Variants in RNF19A observed in about 807,000 individuals in gnomAD.
RNF19A encodes E3 ubiquitin-protein ligase RNF19A.
A neutral mutation model predicts 75.7 loss-of-function variants in RNF19A; 32 were observed. That is an observed-to-expected ratio of 0.42 (90% CI 0.32 to 0.57). The LOEUF is 0.57. Ranked by LOEUF, RNF19A falls within the 20% of genes least tolerant of loss-of-function variation. RNF19A has a pLI of 0.10. For synonymous variants in RNF19A, 335 were observed against 345.2 expected, an observed-to-expected ratio of 0.97 and a Z score of 0.33; for missense variants, 782 against 1,036.3, an observed-to-expected ratio of 0.75 and a Z score of 3.37.
At chr8:100,293,325 A>G (rs1454385295) in intron 1 of RNF19A, among the ~76,000 whole-genome samples, 2 of 152,092 alleles carry the variant, frequency 1.3e-5, no homozygotes, top group Non-Finnish European at 2.9e-5. Flanking sequence ...TTATCTGGGG[A>G]AAAAAAATGT....
chr8:100,312,120 C>T (rs1822309324), upstream of RNF19A, among the ~76,000 whole-genome samples: 1 of 152,206 alleles, frequency 6.6e-6, no homozygotes, highest in Admixed American at 6.5e-5. Context: ...TTTGTCCCTT[C>T]CAATTCATAA....
intron 1 of RNF19A, among the ~76,000 whole-genome samples, chr8:100,290,896 T>C (rs1052069353): frequency 1.3e-5 from 2 of 152,158 alleles, no homozygotes; most frequent in African/African-American, 2.4e-5. Context: ...AACACAGATG[T>C]TTCATTTCTT....
At chr8:100,320,997 C>T (rs944528599) in intron 1 of RNF19A, among the ~76,000 whole-genome samples, 1 of 152,210 alleles carries the variant, frequency 6.6e-6, no homozygotes, top group African/African-American at 2.4e-5. Flanking sequence ...GAGCCTTCAG[C>T]AAGTCAAAGA....
intron 2 of RNF19A, among the ~76,000 whole-genome samples, chr8:100,278,386 T>C (rs1820623863): frequency 6.6e-6 from 1 of 152,228 alleles, no homozygotes. Flanking sequence ...ATTTTAGACA[T>C]AACAATAGAA....
Position 100,307,184 on chromosome 8 carries a change from A to G in RNF19A, c.-94+2683T>C, listed in dbSNP as rs965217026. Among the ~76,000 whole-genome samples the G allele has an allele frequency of 2.0e-5, 3 of 152,222 alleles. No homozygotes were observed. The East Asian group carries it at 5.8e-4, about 29-fold the overall frequency. ...CAAAACCAGCCTGCATTTGACAGTC[A>G]GTTTTCACTTATTAATGACATTAGA... On this transcript the variant is annotated intron_variant, in intron 1 of 9. Transcript: ENST00000341084.
chr8:100,307,286 T>C (rs1822102032), intron 1 of RNF19A, among the ~76,000 whole-genome samples: 1 of 152,162 alleles, frequency 6.6e-6, no homozygotes, highest in African/African-American at 2.4e-5. Context: ...CAGATGTAAA[T>C]ATTAATATAA....
chr8:100,335,368 A>G (rs1255764160), intron 1 of RNF19A, among the ~76,000 whole-genome samples: 1 of 152,224 alleles, frequency 6.6e-6, no homozygotes, highest in Non-Finnish European at 1.5e-5. Flanking sequence ...GAGGCACTGT[A>G]TTACAAAAGA....
At position 100,322,815 on chromosome 8, in the gene RNF19A, G is replaced by A. The variant is rs182949989; in HGVS notation, c.-242-9443C>T. ...GAGGCCCAAGAAGAGGAAGAGATGG[G>A]GGAATGGCTGGTCAGTGGAGTAGTC... On this transcript the variant is annotated intron_variant, in intron 1 of 3. Transcript: ENST00000519527. The surrounding 1 kb of genome is among the most constrained non-coding windows in gnomAD (Gnocchi z 5.1). 1.7e-3 allele frequency among the ~76,000 whole-genome samples: 262 copies of A among 152,244 alleles called. 3 individuals carry two copies. Among genetic ancestry groups the A allele is most frequent in the Admixed American group, 0.013 (192 of 15,292 alleles).
intron 1 of RNF19A, among the ~76,000 whole-genome samples, chr8:100,335,803 C>T (rs1029117474): frequency 2.0e-5 from 3 of 152,200 alleles, no homozygotes; most frequent in African/African-American, 7.2e-5. Context: ...ACTGCTCTGC[C>T]CACAGTCCCT....
chr8:100,321,890 G>T (rs1055976746), intron 1 of RNF19A, among the ~76,000 whole-genome samples: 2 of 152,140 alleles, frequency 1.3e-5, no homozygotes, highest in African/African-American at 4.8e-5. Context: ...CTTAACAGTG[G>T]CTTAAAATAT....
intron 2 of RNF19A, among the ~76,000 whole-genome samples, chr8:100,278,072 T>C (rs969418833): frequency 2.6e-5 from 4 of 152,278 alleles, no homozygotes; most frequent in African/African-American, 7.2e-5. Context: ...AATACTTGTG[T>C]AATTTTAAGT....
chr8:100,271,531 T>C (rs1250782356), intron 3 of RNF19A, among the ~76,000 whole-genome samples: 1 of 152,166 alleles, frequency 6.6e-6, no homozygotes, highest in African/African-American at 2.4e-5. Context: ...GTAAAAAGAC[T>C]CAAGCTTTGG....
intron 1 of RNF19A, among the ~76,000 whole-genome samples, chr8:100,290,270 T>C (rs981173105): frequency 6.6e-6 from 1 of 152,132 alleles, no homozygotes; most frequent in Non-Finnish European, 1.5e-5. Flanking sequence ...GCTGGCTAAT[T>C]TTTGTATTTT....
chr8:100,305,411 T>C (rs1286822004), intron 1 of RNF19A, among the ~76,000 whole-genome samples: 1 of 152,176 alleles, frequency 6.6e-6, no homozygotes, highest in Non-Finnish European at 1.5e-5. Flanking sequence ...GAAAGAAACA[T>C]GTCATACAAA....
At position 100,261,524 on chromosome 8, in the gene RNF19A, C is replaced by G. The variant is rs772252291; in HGVS notation, c.1682+18G>C. The G allele has an allele frequency of 2.0e-5, 32 of 1,611,186 alleles. No homozygotes were observed. Among genetic ancestry groups the G allele is most frequent in the Middle Eastern group, 3.4e-4 (2 of 5,798 alleles). ...GTAGTTACCAGAAAGCAGAACCAAACCAAACCAAAACACACACCTGTTAAA... is the reference window on the plus strand; with the variant it reads ...GTAGTTACCAGAAAGCAGAACCAAAGCAAACCAAAACACACACCTGTTAAA... On this transcript the variant is annotated intron_variant, in intron 8 of 9. Transcript: ENST00000341084. The surrounding 1 kb of genome is among the most constrained non-coding windows in gnomAD (Gnocchi z 4.4).
intron 1 of RNF19A, among the ~76,000 whole-genome samples, chr8:100,320,979 G>A (rs547764339): frequency 1.5e-4 from 23 of 152,278 alleles, no homozygotes; most frequent in African/African-American, 5.5e-4. Flanking sequence ...AAATACTAAT[G>A]ATCATCTGAG....
chr8:100,322,290 G>A lies in RNF19A; in HGVS notation c.-242-8918C>T, dbSNP rs1234129371. On this transcript the variant is annotated intron_variant, in intron 1 of 3. Transcript: ENST00000519527. This position sits in a 1 kb window ranked among gnomAD's most constrained non-coding sequence, Gnocchi z 5.1. ...TAGATCTTCTGGATAATTTGCTGCC[G>A]CTTCTACATCAGCACTTCCTGCTTC... 4.6e-5 allele frequency among the ~76,000 whole-genome samples: 7 copies of A among 152,138 alleles called. No individual in the cohort carries two copies. Among genetic ancestry groups the A allele is most frequent in the African/African-American group, 1.2e-4 (5 of 41,424 alleles).
rs1819719735 is a variant in RNF19A, at chr8:100,261,628, C to T, written c.1596G>A (p.Leu532=). 6.2e-7 allele frequency: 1 copy of T among 1,614,060 alleles called. No homozygotes were observed. The highest frequency in any genetic ancestry group is 1.7e-5 in the Admixed American group (1 of 59,998). Residue 532 remains leucine (L), a synonymous_variant, in exon 8 of 10, where the codon CTG becomes CTA. Transcript: ENST00000341084. The surrounding 1 kb of genome is among the most constrained non-coding windows in gnomAD (Gnocchi z 4.4). Reference sequence around the variant, plus strand: ...GTGCCATGGTGCTGGCCGTTTCACTCAGGTTGTCTCGGATGGCTCCTATTC... The same window carrying T: ...GTGCCATGGTGCTGGCCGTTTCACTTAGGTTGTCTCGGATGGCTCCTATTC... ...MDRIGAIRDN[L]SETASTMALA...
In RNF19A at chr8:100,274,944, C is replaced by A; in HGVS notation, c.883+9G>T. ...AAATATTTTATTAGAAAAAATTAGACATAAATACCTGCTGCTCCAGACTCT... is the reference window on the plus strand; with the variant it reads ...AAATATTTTATTAGAAAAAATTAGAAATAAATACCTGCTGCTCCAGACTCT... On this transcript the variant is annotated intron_variant, in intron 3 of 9. Coordinates refer to ENST00000341084, the MANE Select transcript of RNF19A (RefSeq NM_183419.4). The A allele has an allele frequency of 1.3e-6, 2 of 1,593,184 alleles. No individual in the cohort carries two copies. Among genetic ancestry groups the A allele is most frequent in the Non-Finnish European group, 1.7e-6 (2 of 1,168,016 alleles).
Sources: gnomAD v4.1 joint callset for allele counts (sites outside exome capture counted in the v4.1 genomes callset) on GRCh38, gnomAD v4.1.1 for gene constraint, Gnocchi (gnomAD v3.1) non-coding constraint, MANE v1.5 for transcripts, NCBI Gene and HGNC (gene_info 2026-07-23, HGNC 2026-07-21) for gene names.